TPRG1: variants seen among roughly 807,000 people sequenced by gnomAD.
TPRG1 encodes tumor protein p63 regulated 1, also known as tumor protein p63-regulated gene 1 protein.
In TPRG1, 29 loss-of-function variants were observed where a neutral mutation model predicts 29.3. The ratio of observed to expected loss-of-function variants is 0.99; its 90% CI spans 0.74 to 1.35. The LOEUF (loss-of-function observed/expected upper bound fraction) is 1.35, where lower values mean the gene tolerates loss of function less well. Ranked by LOEUF, TPRG1 falls within the 40% of genes most tolerant of loss-of-function variation. TPRG1 has a pLI of 0.00. For synonymous variants in TPRG1, 130 were observed against 116.8 expected (o/e 1.11, Z -0.73); for missense variants, 327 against 335.0 (o/e 0.98, Z 0.19).
At chr3:189,036,192 G>T (rs1186581202) in intron 4 of TPRG1, among the ~76,000 whole-genome samples, 1 of 152,086 alleles carries the variant, frequency 6.6e-6, no homozygotes, top group African/African-American at 2.4e-5. Context: ...GTTCTCATTT[G>T]TAAGTGGGAG....
intron 3 of TPRG1, among the ~76,000 whole-genome samples, chr3:189,143,803 A>G (rs1053003277): frequency 2.6e-5 from 4 of 152,178 alleles, no homozygotes; most frequent in African/African-American, 9.7e-5. Context: ...TCTCTGTCAA[A>G]TCTACTGGAA....
At chr3:189,019,242 G>A (rs1292359142) in intron 3 of TPRG1, among the ~76,000 whole-genome samples, 1 of 151,792 alleles carries the variant, frequency 6.6e-6, no homozygotes, top group African/African-American at 2.4e-5. Flanking sequence ...CTGCCTAATT[G>A]CCCTGGCCAG....
At chr3:189,273,366 T>G (rs1418383515) in intron 4 of TPRG1, among the ~76,000 whole-genome samples, 1 of 152,102 alleles carries the variant, frequency 6.6e-6, no homozygotes, top group Admixed American at 6.5e-5. Context: ...TGCAGAGAAA[T>G]GCACCTCACT....
At chr3:189,124,323 G>A (rs183894117) in intron 1 of TPRG1, among the ~76,000 whole-genome samples, 6 of 152,192 alleles carry the variant, frequency 3.9e-5, no homozygotes, top group Non-Finnish European at 1.5e-5. Flanking sequence ...AAGTGCAAGG[G>A]GAGCTCAGAA....
intron 4 of TPRG1, among the ~76,000 whole-genome samples, chr3:189,253,706 C>T (rs746709389): frequency 3.3e-5 from 5 of 152,188 alleles, no homozygotes; most frequent in African/African-American, 1.2e-4. Context: ...AACTAATTTA[C>T]ACTCTCACCA....
intron 1 of TPRG1, among the ~76,000 whole-genome samples, chr3:189,113,095 C>A (rs1246743034): frequency 6.6e-6 from 1 of 152,016 alleles, no homozygotes; most frequent in Non-Finnish European, 1.5e-5. Context: ...CCTTCACGTC[C>A]CTTGTAAGTT....
chr3:189,212,074 T>C (rs1166023435), intron 2 of TPRG1: 1 of 152,098 alleles, frequency 6.6e-6, no homozygotes, highest in African/African-American at 2.4e-5. Flanking sequence ...TTAGTCCACA[T>C]GGGGAAAGAT....
chr3:189,204,037 CAAAA>C (rs35367828), intron 1 of TPRG1, among the ~76,000 whole-genome samples: 20 of 87,922 alleles, frequency 2.3e-4, no homozygotes, highest in African/African-American at 5.4e-4. Context: ...GAGACTGTCT[CAAAA>C]AAAAAAAAAA....
intron 3 of TPRG1, among the ~76,000 whole-genome samples, chr3:189,234,084 G>A (rs1359018013): frequency 6.6e-6 from 1 of 152,082 alleles, no homozygotes; most frequent in Non-Finnish European, 1.5e-5. Context: ...TCCCTGTGTT[G>A]CCCAGGCTGG....
intron 4 of TPRG1, among the ~76,000 whole-genome samples, chr3:189,063,782 A>G (rs1716266385): frequency 6.6e-6 from 1 of 152,218 alleles, no homozygotes; most frequent in South Asian, 2.1e-4. Flanking sequence ...GGAAATTTAT[A>G]GCAGTAAAAA....
chr3:189,073,561 T>C (rs1159620160), intron 4 of TPRG1, among the ~76,000 whole-genome samples: 1 of 152,202 alleles, frequency 6.6e-6, no homozygotes, highest in Non-Finnish European at 1.5e-5. Flanking sequence ...CATTTTTTTC[T>C]GTTTGTACTT....
At chr3:189,258,045 G>T (rs1712223660) in intron 4 of TPRG1, among the ~76,000 whole-genome samples, 1 of 152,202 alleles carries the variant, frequency 6.6e-6, no homozygotes, top group Non-Finnish European at 1.5e-5. Context: ...TTCCCTCGCT[G>T]TTGAGGAGTT....
At chr3:189,085,428 C>T (rs538318014) in intron 4 of TPRG1, among the ~76,000 whole-genome samples, 240 of 142,588 alleles carry the variant, frequency 1.7e-3, no homozygotes, top group Middle Eastern at 7.1e-3. Context: ...TTGGATTCCT[C>T]GTGTCTGTGT....
At chr3:189,021,299 G>T (rs1009307638) in intron 3 of TPRG1, among the ~76,000 whole-genome samples, 2 of 150,996 alleles carry the variant, frequency 1.3e-5, no homozygotes, top group Non-Finnish European at 3.0e-5. Context: ...TATTTTGCTC[G>T]TTAGTTGATG....
At chr3:189,106,898 A>T (rs1459999275) in intron 1 of TPRG1, among the ~76,000 whole-genome samples, 6 of 152,142 alleles carry the variant, frequency 3.9e-5, no homozygotes, top group African/African-American at 1.4e-4. Flanking sequence ...CTGCAGTCAG[A>T]GCCGAGACTA....
At chr3:189,286,257 A>G (rs543465341) in intron 4 of TPRG1, among the ~76,000 whole-genome samples, 2 of 152,074 alleles carry the variant, frequency 1.3e-5, no homozygotes, top group Non-Finnish European at 2.9e-5. Flanking sequence ...TATGAAAAAC[A>G]GGAACTTTCC....
chr3:189,071,241 T>C (rs1334729523), intron 4 of TPRG1, among the ~76,000 whole-genome samples: 1 of 152,172 alleles, frequency 6.6e-6, no homozygotes, highest in African/African-American at 2.4e-5. Context: ...CAATTTTTCC[T>C]TTTCCATGTG....
chr3:189,076,942 A>ATATATATATATATATATG lies in TPRG1; in HGVS notation c.-462-50115_-462-50114insTATATATATATATATATG, dbSNP rs199941065. Among the ~76,000 whole-genome samples, 271 of 151,254 alleles carry ATATATATATATATATATG rather than the reference A, an allele frequency of 1.8e-3. 1 individual carries two copies. Among genetic ancestry groups the ATATATATATATATATATG allele is most frequent in the African/African-American group, 6.5e-3 (266 of 40,720 alleles). On this transcript the variant is annotated intron_variant, in intron 4 of 10. Transcript: ENST00000433971. ...TGTGTACATATATATATATATATAT[A>ATATATATATATATATATG]GCCAATAAGCACATGAGAAAGTGCT... is the stretch of plus-strand genomic sequence containing the variant.
intron 4 of TPRG1, among the ~76,000 whole-genome samples, chr3:189,062,959 CAAAG>C (rs1261567878): frequency 6.6e-6 from 1 of 151,816 alleles, no homozygotes; most frequent in Non-Finnish European, 1.5e-5. Flanking sequence ...ATACATCAAT[CAAAG>C]AAAGAGATTG....
Sources: gnomAD v4.1 joint callset for allele counts (sites outside exome capture counted in the v4.1 genomes callset) on GRCh38, gnomAD v4.1.1 for gene constraint, MANE v1.5 for transcripts, NCBI Gene and HGNC (gene_info 2026-07-23, HGNC 2026-07-21) for gene names.